NBAS: variants seen among roughly 807,000 people sequenced by gnomAD.
The protein encoded by NBAS is NAG/BC035112 fusion.
NBAS carries 219 observed loss-of-function variants against 302.5 expected under a neutral mutation model. That is an observed-to-expected ratio of 0.72 (90% CI 0.65 to 0.81). The LOEUF (loss-of-function observed/expected upper bound fraction) is 0.81, where lower values mean the gene tolerates loss of function less well. Among genes scored for constraint, NBAS ranks in the 30% least tolerant of loss-of-function variants. The probability of loss-of-function intolerance (pLI) is 0.00; values close to 1 mark genes in which losing one functional copy is unlikely to be tolerated. For synonymous variants in NBAS, 1,118 were observed against 1,021.6 expected, an observed-to-expected ratio of 1.09 and a Z score of -1.80; for missense variants, 2,932 against 2,841.6, an observed-to-expected ratio of 1.03 and a Z score of -0.72.
At position 15,408,609 on chromosome 2, in the gene NBAS, T is replaced by C. The variant is rs140402725; in HGVS notation, c.2938-6308A>G. ...TTTTCACTTATCTTTAAAAAGTCTT[T>C]TTTACATTCACATTTGAATGATAGT... On this transcript the variant is annotated intron_variant, in intron 25 of 51. Transcript: ENST00000281513. Among the ~76,000 whole-genome samples, 1,328 of 152,308 alleles carry C rather than the reference T, an allele frequency of 8.7e-3. 8 individuals are homozygous for C. Among genetic ancestry groups the C allele is most frequent in the Non-Finnish European group, 0.014 (971 of 68,010 alleles).
At chr2:15,090,525 C>T in the NBAS span, among the ~76,000 whole-genome samples, 1 of 152,152 alleles carries the variant, frequency 6.6e-6, no homozygotes, top group African/African-American at 2.4e-5. Context: ...TTACATTTAC[C>T]CCCAAACCTC....
chr2:14,989,051 G>A, the NBAS span, among the ~76,000 whole-genome samples: 17,082 of 151,956 alleles, frequency 0.11, 1,047 homozygotes, highest in Middle Eastern at 0.2. Context: ...TTAAAACATC[G>A]CACATCTTCA....
the NBAS span, among the ~76,000 whole-genome samples, chr2:14,979,127 T>C: frequency 6.6e-6 from 1 of 152,216 alleles, no homozygotes; most frequent in Non-Finnish European, 1.5e-5. Flanking sequence ...TTTTTGCTTA[T>C]AAAATCCTCA....
At chr2:15,555,880 CA>C (rs1664622292) in intron 3 of NBAS, among the ~76,000 whole-genome samples, 1 of 152,118 alleles carries the variant, frequency 6.6e-6, no homozygotes, top group Non-Finnish European at 1.5e-5. Context: ...GCAACCTGAA[CA>C]AGACAAGCTT....
At chr2:14,900,234 A>G in the NBAS span, among the ~76,000 whole-genome samples, 1 of 151,642 alleles carries the variant, frequency 6.6e-6, no homozygotes, top group Non-Finnish European at 1.5e-5. Context: ...CACGCCTTCC[A>G]TGATCCATTC....
chr2:15,102,366 C>T, the NBAS span, among the ~76,000 whole-genome samples: 4 of 152,188 alleles, frequency 2.6e-5, no homozygotes, highest in African/African-American at 9.6e-5. Flanking sequence ...AGACACCCTC[C>T]ACCCAGGACA....
At chr2:15,462,633 G>A (rs1004113408) in intron 19 of NBAS, among the ~76,000 whole-genome samples, 1 of 152,020 alleles carries the variant, frequency 6.6e-6, no homozygotes, top group Admixed American at 6.6e-5. Context: ...GAGGGAGGGA[G>A]GGAGGGAGGA....
chr2:14,846,361 A>T, the NBAS span, among the ~76,000 whole-genome samples: 2 of 152,074 alleles, frequency 1.3e-5, no homozygotes, highest in African/African-American at 4.8e-5. Flanking sequence ...AAGTAGTGAA[A>T]ACTTTCCCAG....
At chr2:15,166,888 A>G (rs1456507700), downstream of NBAS, 50 of 942,294 alleles carry the variant, frequency 5.3e-5, no homozygotes, top group Admixed American at 4.1e-4. Flanking sequence ...GAAAGAAAAA[A>G]AAGGTTAAAA....
At chr2:14,840,796 G>T in the NBAS span, among the ~76,000 whole-genome samples, 92 of 152,112 alleles carry the variant, frequency 6.0e-4, no homozygotes, top group African/African-American at 2.2e-3. Flanking sequence ...TTCTCAATTT[G>T]AAAGAAAAGA....
chr2:15,292,222 A>C (rs1265024694), intron 41 of NBAS, among the ~76,000 whole-genome samples: 1 of 152,102 alleles, frequency 6.6e-6, no homozygotes, highest in Non-Finnish European at 1.5e-5. Context: ...GGATCTTGAG[A>C]TCTTGGGCCA....
At chr2:14,874,599 C>T in the NBAS span, among the ~76,000 whole-genome samples, 1 of 147,902 alleles carries the variant, frequency 6.8e-6, no homozygotes, top group South Asian at 2.1e-4. Context: ...AAGATGGCGC[C>T]ACTGCACTCC....
chr2:15,358,307 CT>C (rs1411159351), intron 32 of NBAS, among the ~76,000 whole-genome samples: 3 of 152,080 alleles, frequency 2.0e-5, no homozygotes, highest in South Asian at 4.2e-4. Context: ...CTACAGAGTC[CT>C]TGTGCCTCTG....
At chr2:15,113,285 A>G in the NBAS span, among the ~76,000 whole-genome samples, 1 of 145,366 alleles carries the variant, frequency 6.9e-6, no homozygotes, top group Non-Finnish European at 1.5e-5. Context: ...TGTAGTTCTA[A>G]ATTTGAGTTA....
rs117000914 is a variant in NBAS, at chr2:15,355,652, G to A, written c.3931+651C>T. Among the ~76,000 whole-genome samples, 105 of 152,168 alleles carry A rather than the reference G, an allele frequency of 6.9e-4. 1 individual carries two copies. The East Asian group carries it at 0.016, about 24-fold the overall frequency. On this transcript the variant is annotated intron_variant, in intron 33 of 51. Transcript: ENST00000281513. ...AACATCATATCCACTTGGTGCTGTC[G>A]TTGTGATAGTGAGTTGAGATCTGGT...
At chr2:15,405,871 C>T (rs1676383355) in intron 25 of NBAS, among the ~76,000 whole-genome samples, 1 of 151,706 alleles carries the variant, frequency 6.6e-6, no homozygotes, top group Non-Finnish European at 1.5e-5. Context: ...ATGTGCAAAA[C>T]ATCTAAGAGG....
At chr2:15,393,655 G>A (rs9710889) in intron 28 of NBAS, 296,098 of 470,010 alleles carry the variant, frequency 0.63, 95,445 homozygotes, top group Non-Finnish European at 0.68. Flanking sequence ...ATGAAAAGTC[G>A]TAGCAACTTT....
intron 21 of NBAS, among the ~76,000 whole-genome samples, chr2:15,455,753 G>A (rs1167915443): frequency 6.7e-6 from 1 of 150,124 alleles, no homozygotes; most frequent in Non-Finnish European, 1.5e-5. Context: ...CACAAACATA[G>A]GCAACTAGAT....
At chr2:15,004,044 T>C in the NBAS span, among the ~76,000 whole-genome samples, 2 of 152,250 alleles carry the variant, frequency 1.3e-5, no homozygotes, top group Non-Finnish European at 2.9e-5. Context: ...TTTAGGCCAC[T>C]GGAATCTATA....
Sources: allele counts gnomAD v4.1 joint callset (sites outside exome capture counted in the v4.1 genomes callset), GRCh38; gene constraint gnomAD v4.1.1; transcripts MANE v1.5; gene names NCBI Gene and HGNC (gene_info 2026-07-23, HGNC 2026-07-21).